Variants in LRRC9 observed in about 807,000 individuals in gnomAD.
The protein encoded by LRRC9 is leucine rich repeat containing 9.
A neutral mutation model predicts 63.2 loss-of-function variants in LRRC9; 122 were observed. The observed-to-expected ratio is 1.93, with a 90% CI of 1.67 to 2.24. The LOEUF is 2.24. Ranked by LOEUF, LRRC9 falls within the 30% of genes most tolerant of loss-of-function variation. The pLI is 0.00. For synonymous variants in LRRC9, 366 were observed against 213.1 expected, an observed-to-expected ratio of 1.72 and a Z score of -6.25; for missense variants, 1,071 against 627.7, an observed-to-expected ratio of 1.71 and a Z score of -7.55.
chr14:59,993,686 T>G (rs1313392896), intron 17 of LRRC9, among the ~76,000 whole-genome samples: 1 of 152,148 alleles, frequency 6.6e-6, no homozygotes, highest in Non-Finnish European at 1.5e-5. Flanking sequence ...AAACAGACTT[T>G]AAACCAGCAA....
At chr14:59,993,067 G>A (rs998647047) in intron 17 of LRRC9, among the ~76,000 whole-genome samples, 1 of 152,168 alleles carries the variant, frequency 6.6e-6, no homozygotes, top group African/African-American at 2.4e-5. Flanking sequence ...GAAAGGTCGG[G>A]TTACCCACAA....
rs987869638 is a variant in LRRC9 at position 60,053,831 on chromosome 14, C to T, written c.4131+626C>T. ...CACCTAGTTTCTTCATGACCATCTTCTAAAGACTAAATTTAACACAGAAAA... is the reference window on the plus strand; with the variant it reads ...CACCTAGTTTCTTCATGACCATCTTTTAAAGACTAAATTTAACACAGAAAA... On this transcript the variant is annotated intron_variant, in intron 30 of 31. Transcript: ENST00000445360. The surrounding 1 kb of genome is among the most constrained non-coding windows in gnomAD (Gnocchi z 4.8). 2 of 428,334 alleles carry T rather than the reference C, an allele frequency of 4.7e-6. No individual in the cohort carries two copies. Among genetic ancestry groups the T allele is most frequent in the African/African-American group, 4.2e-5 (2 of 48,010 alleles). 26.5% of individuals were successfully genotyped at this position (428,334 alleles called of 1,614,324 possible). A position where few individuals can be genotyped will look rare whatever the true frequency, so the allele number is the denominator to read the frequency against.
chr14:60,064,465 G>T (rs1031770714), downstream of LRRC9, among the ~76,000 whole-genome samples: 1 of 152,010 alleles, frequency 6.6e-6, no homozygotes, highest in African/African-American at 2.4e-5. Flanking sequence ...AGTTTTAAAG[G>T]TACTTTGGAA....
At chr14:59,997,259 C>T (rs368603416) in intron 17 of LRRC9, among the ~76,000 whole-genome samples, 1 of 151,950 alleles carries the variant, frequency 6.6e-6, no homozygotes, top group Non-Finnish European at 1.5e-5. Context: ...ATTAAGTTAA[C>T]AGGTTTAGTT....
At chr14:59,935,296 A>G (rs1300974332) in intron 6 of LRRC9, among the ~76,000 whole-genome samples, 3 of 105,012 alleles carry the variant, frequency 2.9e-5, no homozygotes, top group East Asian at 4.6e-4. Flanking sequence ...TAGGTCTCAA[A>G]AAAAAAAAAA....
At chr14:59,967,041 G>A (rs1884935977) in intron 11 of LRRC9, 55 bp from the exon 12 acceptor site, 5 of 576,348 alleles carry the variant, frequency 8.7e-6, no homozygotes, top group Non-Finnish European at 1.6e-5. Context: ...CTTATCTATG[G>A]CTAAGCTTTT....
chr14:59,987,325 C>A (rs1022530171), intron 17 of LRRC9, among the ~76,000 whole-genome samples: 6 of 150,310 alleles, frequency 4.0e-5, no homozygotes, highest in African/African-American at 1.5e-4. Flanking sequence ...TTGCTTTTGG[C>A]AACCAGTTAC....
intron 30 of LRRC9, among the ~76,000 whole-genome samples, chr14:60,055,018 C>T (rs1352429223): frequency 6.6e-6 from 1 of 152,188 alleles, no homozygotes; most frequent in Non-Finnish European, 1.5e-5. Flanking sequence ...CCTTGGCCTC[C>T]CAAAGTGCTG....
At chr14:59,945,342 T>C (rs1287429333) in intron 8 of LRRC9, among the ~76,000 whole-genome samples, 2 of 152,002 alleles carry the variant, frequency 1.3e-5, no homozygotes, top group African/African-American at 4.8e-5. Context: ...TTCCTGTATT[T>C]TTTTCAGTAT....
intron 30 of LRRC9, among the ~76,000 whole-genome samples, chr14:60,057,094 C>T (rs1894341333): frequency 6.6e-6 from 1 of 152,108 alleles, no homozygotes; most frequent in African/African-American, 2.4e-5. Flanking sequence ...GTAACACTTA[C>T]TGAAGTATGA....
chr14:60,064,826 T>C (rs967762703), downstream of LRRC9, among the ~76,000 whole-genome samples: 1 of 152,226 alleles, frequency 6.6e-6, no homozygotes, highest in African/African-American at 2.4e-5. Context: ...ATGCTGAATA[T>C]ATGTTACTTT....
chr14:59,979,146 C>T (rs1021805973), intron 15 of LRRC9, among the ~76,000 whole-genome samples: 1 of 152,142 alleles, frequency 6.6e-6, no homozygotes. Context: ...GTGGCTCATG[C>T]CTGCAATCCC....
chr14:59,976,383 G>T (rs1886289003), intron 13 of LRRC9, among the ~76,000 whole-genome samples: 1 of 152,128 alleles, frequency 6.6e-6, no homozygotes, highest in South Asian at 2.1e-4. Flanking sequence ...CTAAAGATTG[G>T]GTAGTCAGAA....
At chr14:59,971,254 T>G (rs536349019) in intron 12 of LRRC9, among the ~76,000 whole-genome samples, 2 of 152,292 alleles carry the variant, frequency 1.3e-5, no homozygotes, top group East Asian at 3.9e-4. Context: ...TGCAACCTTA[T>G]TTCCAGGCTC....
Position 59,963,124 on chromosome 14 carries a change from G to A in LRRC9, c.1211+2079G>A, listed in dbSNP as rs563740318. On this transcript the variant is annotated intron_variant, in intron 10 of 31. Coordinates refer to ENST00000445360, the Ensembl canonical transcript of LRRC9. Reference sequence around the variant, plus strand: ...TCCTATTAATATTTTTAAGGCTAAGGATTCAGTATTTAAATAAAAAGTATT... The same window carrying A: ...TCCTATTAATATTTTTAAGGCTAAGAATTCAGTATTTAAATAAAAAGTATT... 2.0e-5 allele frequency among the ~76,000 whole-genome samples: 3 copies of A among 152,194 alleles called. No individual in the cohort carries two copies. In the South Asian group the frequency reaches 6.2e-4, roughly 32 times the overall value.
At chr14:60,064,029 G>A (rs1204192985), downstream of LRRC9, among the ~76,000 whole-genome samples, 1 of 152,016 alleles carries the variant, frequency 6.6e-6, no homozygotes, top group African/African-American at 2.4e-5. Flanking sequence ...CATGCTCTAA[G>A]AATAAAAAAA....
At chr14:59,931,593 AAAT>A in intron 4 of LRRC9, 23 bp from the exon 5 acceptor site, 1 of 689,088 alleles carries the variant, frequency 1.5e-6, no homozygotes, top group Non-Finnish European at 2.6e-6. Context: ...TATCTGTTCT[AAAT>A]AATATGTTGT....
Position 60,002,045 on chromosome 14 carries a change from C to A in LRRC9, c.2609C>A (p.Thr870Lys), listed in dbSNP as rs115819353. The stretch of plus-strand genomic sequence containing the variant: ...ATATGGCCTTCTGCCAAAATTCTGA[C>A]GCAGGTTTCAAAGTTAGGACCTCAT... Residue 870 changes from threonine (T) to lysine (K), a missense_variant, in exon 20 of 32, where the codon ACG becomes AAG. Coordinates refer to ENST00000445360, the Ensembl canonical transcript of LRRC9. 1.8e-3 allele frequency: 1,264 copies of A among 702,196 alleles called. 11 individuals carry two copies. In the African/African-American group the frequency reaches 0.019, roughly 11 times the overall value. The allele number at this position is 702,196 out of a possible 1,614,324, so 43.5% of individuals were successfully genotyped here.
chr14:59,968,366 CA>C (rs1885084281), intron 12 of LRRC9, among the ~76,000 whole-genome samples: 1 of 152,132 alleles, frequency 6.6e-6, no homozygotes, highest in African/African-American at 2.4e-5. Context: ...GATGGTTGCA[CA>C]ACAACGTGAA....
Sources: allele counts gnomAD v4.1 joint callset (sites outside exome capture counted in the v4.1 genomes callset), GRCh38; gene constraint gnomAD v4.1.1; non-coding constraint Gnocchi (gnomAD v3.1); transcripts MANE v1.5; gene names NCBI Gene and HGNC (gene_info 2026-07-23, HGNC 2026-07-21).